Variants in SYNJ2 observed in about 807,000 individuals in gnomAD.
SYNJ2 encodes polyphosphatidylinositol phosphatase SYNJ2.
A neutral mutation model predicts 141.3 loss-of-function variants in SYNJ2; 116 were observed. The observed-to-expected ratio is 0.82, with a 90% CI of 0.71 to 0.96. SYNJ2 has a LOEUF of 0.96. Ranked by LOEUF, SYNJ2 falls within the 40% of genes least tolerant of loss-of-function variation. The probability of loss-of-function intolerance (pLI) is 0.00; values close to 1 mark genes in which losing one functional copy is unlikely to be tolerated. For missense variants in SYNJ2, 1,873 were observed against 1,934.8 expected (o/e 0.97, Z 0.60); for synonymous variants, 745 against 777.7 (o/e 0.96, Z 0.70).
chr6:158,036,205 T>C (rs1477837458), intron 4 of SYNJ2, among the ~76,000 whole-genome samples: 6 of 152,206 alleles, frequency 3.9e-5, no homozygotes, highest in Admixed American at 6.5e-5. Flanking sequence ...ATAATGGCTA[T>C]TGTTAAAAAG....
chr6:158,079,580 A>G (rs903200353), intron 18 of SYNJ2, among the ~76,000 whole-genome samples: 2 of 152,222 alleles, frequency 1.3e-5, no homozygotes, highest in South Asian at 2.1e-4. Context: ...CATGTTAGCC[A>G]GGCTGGTCTC....
intron 4 of SYNJ2, among the ~76,000 whole-genome samples, chr6:158,038,815 C>A (rs1779777362): frequency 6.6e-6 from 1 of 152,194 alleles, no homozygotes; most frequent in African/African-American, 2.4e-5. Flanking sequence ...GCTGGTGACC[C>A]CTGCCTGGAG....
chr6:158,004,027 G>A (rs1411486297), intron 1 of SYNJ2, among the ~76,000 whole-genome samples: 2 of 152,156 alleles, frequency 1.3e-5, no homozygotes, highest in African/African-American at 2.4e-5. Context: ...AAGCCATGTT[G>A]TTCGAGTAGC....
intron 5 of SYNJ2, among the ~76,000 whole-genome samples, chr6:158,051,853 G>A (rs1001869383): frequency 1.3e-5 from 2 of 151,920 alleles, no homozygotes; most frequent in African/African-American, 2.4e-5. Context: ...CAACTTGGGA[G>A]GCTGAGGTGG....
rs1395595674 is a variant in SYNJ2 at position 158,092,787 on chromosome 6, C to A, written c.3566-139C>A. The A allele has an allele frequency of 4.9e-6, 4 of 819,042 alleles. No homozygotes were observed. In the African/African-American group the frequency reaches 5.4e-5, roughly 11 times the overall value. The allele number at this position is 819,042 out of a possible 1,614,324, so 50.7% of individuals were successfully genotyped here. Reference sequence around the variant, plus strand: ...CTTAAAAAAGAAAAAAGAAAAAAAGCTGGGACTGAATCTAGCTGATTACTC... The same window carrying A: ...CTTAAAAAAGAAAAAAGAAAAAAAGATGGGACTGAATCTAGCTGATTACTC... On this transcript the variant is annotated intron_variant, in intron 25 of 26. Transcript: ENST00000355585.
intron 1 of SYNJ2, among the ~76,000 whole-genome samples, chr6:158,005,590 G>C (rs73579619): frequency 0.041 from 5,817 of 141,916 alleles, 397 homozygotes; most frequent in African/African-American, 0.14. Context: ...TGCACCAGCC[G>C]CTGTGCAGTA....
At chr6:158,019,173 T>A (rs1583327592) in intron 2 of SYNJ2, among the ~76,000 whole-genome samples, 1 of 152,226 alleles carries the variant, frequency 6.6e-6, no homozygotes, top group African/African-American at 2.4e-5. Context: ...GCAGCTGCTT[T>A]TGGTCCTTAC....
At chr6:158,018,390 G>T (rs1004108902) in intron 2 of SYNJ2, among the ~76,000 whole-genome samples, 2 of 152,168 alleles carry the variant, frequency 1.3e-5, no homozygotes, top group South Asian at 2.1e-4. Context: ...CTGATTCTCA[G>T]TCCCACCTGG....
At chr6:158,075,436 T>C (rs1407320348) in intron 16 of SYNJ2, among the ~76,000 whole-genome samples, 3 of 148,506 alleles carry the variant, frequency 2.0e-5, no homozygotes, top group African/African-American at 7.4e-5. Flanking sequence ...AGGTCAGGAG[T>C]TCAAGACCAG....
chr6:158,040,621 C>T lies in SYNJ2; in HGVS notation c.712-2695C>T, dbSNP rs1412295989. On this transcript the variant is annotated intron_variant, in intron 4 of 26. Coordinates refer to ENST00000355585, the MANE Select transcript of SYNJ2 (RefSeq NM_003898.4). This position sits in a 1 kb window ranked among gnomAD's most constrained non-coding sequence, Gnocchi z 4.2. ...AGGGAGGTTAGGATGACTGCGTGTC[C>T]TCCCAGGAATGCAGACTTGGAGATA... is the stretch of plus-strand genomic sequence containing the variant. Among the ~76,000 whole-genome samples the T allele has an allele frequency of 6.6e-6, 1 of 152,136 alleles. No homozygotes were observed. The highest frequency in any genetic ancestry group is 1.5e-5 in the Non-Finnish European group (1 of 68,032).
At chr6:158,065,239 C>A (rs941742890) in intron 11 of SYNJ2, among the ~76,000 whole-genome samples, 1 of 152,318 alleles carries the variant, frequency 6.6e-6, no homozygotes, top group Admixed American at 6.5e-5. Context: ...AGACACCAGG[C>A]GGGCTCAGGG....
chr6:158,028,555 C>G (rs931734521), intron 2 of SYNJ2: 12 of 659,124 alleles, frequency 1.8e-5, no homozygotes, highest in Non-Finnish European at 2.8e-5. Flanking sequence ...CAGGGTCCCA[C>G]ACTTTGAGAA....
chr6:158,024,719 G>A (rs753079135), intron 2 of SYNJ2, among the ~76,000 whole-genome samples: 25 of 152,186 alleles, frequency 1.6e-4, no homozygotes, highest in African/African-American at 4.3e-4. Context: ...AGAACAGGAC[G>A]TAGAAGCACC....
chr6:158,070,113 G>C lies in SYNJ2; in HGVS notation c.1940+440G>C. On this transcript the variant is annotated intron_variant, in intron 14 of 26. Transcript: ENST00000355585. This position sits in a 1 kb window ranked among gnomAD's most constrained non-coding sequence, Gnocchi z 4.0. ...GACCTCATTGTCATTTCTCCAAGGTGCATGCTTTGTGAGCATCAGAAAGGG... is the reference window on the plus strand; with the variant it reads ...GACCTCATTGTCATTTCTCCAAGGTCCATGCTTTGTGAGCATCAGAAAGGG... 1 of 976,410 alleles carries C rather than the reference G, an allele frequency of 1.0e-6. No individual in the cohort carries two copies. The highest frequency in any genetic ancestry group is 1.7e-5 in the African/African-American group (1 of 57,188). 60.5% of individuals were successfully genotyped at this position (976,410 alleles called of 1,614,324 possible).
upstream of SYNJ2, among the ~76,000 whole-genome samples, chr6:157,981,576 G>A (rs1211805730): frequency 1.3e-5 from 2 of 152,042 alleles, no homozygotes; most frequent in African/African-American, 4.8e-5. This position sits in a 1 kb window ranked among gnomAD's most constrained non-coding sequence, Gnocchi z 6.4. Flanking sequence ...GCGGGCGGCC[G>A]GCATCGCAGC....
intron 7 of SYNJ2, chr6:158,059,556 C>CT (rs71805887): frequency 0.068 from 74,873 of 1,097,964 alleles, 19 homozygotes; most frequent in South Asian, 0.082. Context: ...AATTTCTTTT[C>CT]TTTTTTTTTT....
At chr6:157,981,572 G>A (rs1487535478), upstream of SYNJ2, among the ~76,000 whole-genome samples, 3 of 152,096 alleles carry the variant, frequency 2.0e-5, no homozygotes, top group African/African-American at 7.2e-5. The surrounding 1 kb of genome is among the most constrained non-coding windows in gnomAD (Gnocchi z 6.4). Context: ...GGCTGCGGGC[G>A]GCCGGCATCG....
intron 5 of SYNJ2, among the ~76,000 whole-genome samples, chr6:158,044,693 T>C (rs995572864): frequency 6.6e-6 from 1 of 152,214 alleles, no homozygotes; most frequent in African/African-American, 2.4e-5. Context: ...TAACCACCAC[T>C]GTAATCTAAT....
chr6:158,061,445 G>A (rs893412681), intron 7 of SYNJ2, among the ~76,000 whole-genome samples: 25 of 152,180 alleles, frequency 1.6e-4, no homozygotes, highest in African/African-American at 5.8e-4. Context: ...CCTTCACTCT[G>A]GCTCCCTGAC....
Sources: gnomAD v4.1 joint callset for allele counts (sites outside exome capture counted in the v4.1 genomes callset) on GRCh38, gnomAD v4.1.1 for gene constraint, Gnocchi (gnomAD v3.1) non-coding constraint, MANE v1.5 for transcripts, NCBI Gene and HGNC (gene_info 2026-07-23, HGNC 2026-07-21) for gene names.